MIPOL1: variants seen among roughly 807,000 people sequenced by gnomAD.
MIPOL1 encodes the protein mirror-image polydactyly gene 1 protein.
A neutral mutation model predicts 60.9 loss-of-function variants in MIPOL1; 57 were observed. The observed-to-expected ratio is 0.94, with a 90% CI of 0.76 to 1.17. The LOEUF is 1.17. MIPOL1 is among the 50% of genes most tolerant of loss of function. MIPOL1 has a pLI of 0.00. For missense variants in MIPOL1, 551 were observed against 511.6 expected (o/e 1.08, Z -0.74); for synonymous variants, 179 against 168.8 (o/e 1.06, Z -0.47).
intron 9 of MIPOL1, among the ~76,000 whole-genome samples, chr14:37,313,240 A>G (rs189051773): frequency 6.6e-6 from 1 of 152,300 alleles, no homozygotes; most frequent in East Asian, 1.9e-4. Context: ...ACACATCAAT[A>G]AGCAACAGAA....
chr14:37,390,310 C>T (rs1483404179), intron 10 of MIPOL1, among the ~76,000 whole-genome samples: 1 of 152,074 alleles, frequency 6.6e-6, no homozygotes, highest in African/African-American at 2.4e-5. Flanking sequence ...CCCACTTTAT[C>T]TACCTGGCAG....
At chr14:37,335,517 CT>C (rs1322617893) in intron 9 of MIPOL1, among the ~76,000 whole-genome samples, 1 of 152,018 alleles carries the variant, frequency 6.6e-6, no homozygotes, top group Non-Finnish European at 1.5e-5. Flanking sequence ...AGTGTTTGTC[CT>C]TTTGTGACTG....
chr14:37,371,750 A>G (rs2092645702), intron 10 of MIPOL1, among the ~76,000 whole-genome samples: 1 of 152,164 alleles, frequency 6.6e-6, no homozygotes, highest in Non-Finnish European at 1.5e-5. Flanking sequence ...GGTCAATTAT[A>G]AAACATTTGC....
chr14:37,462,389 C>T (rs768154769), intron 11 of MIPOL1, among the ~76,000 whole-genome samples: 3 of 152,182 alleles, frequency 2.0e-5, no homozygotes, highest in South Asian at 2.1e-4. Flanking sequence ...GCCTGTGGGC[C>T]TGTGATGGGA....
chr14:37,333,751 G>GA (rs2089909234), intron 9 of MIPOL1, among the ~76,000 whole-genome samples: 1 of 152,004 alleles, frequency 6.6e-6, no homozygotes, highest in African/African-American at 2.4e-5. Flanking sequence ...AGAACTAAGG[G>GA]AAGAAATACA....
At position 37,300,854 on chromosome 14, in the gene MIPOL1, T is replaced by G. The variant is rs2153428319; in HGVS notation, c.624-7202T>G. ...TTTTCTGTTTGGCATGGCAGAATGC[T>G]CCAGGGTCACCTTATGTAAGGATGT... On this transcript the variant is annotated intron_variant, in intron 7 of 12. Transcript: ENST00000684589. Among the ~76,000 whole-genome samples, 6 of 15,732 alleles carry G rather than the reference T, an allele frequency of 3.8e-4. 3 individuals are homozygous for G. Among genetic ancestry groups the G allele is most frequent in the African/African-American group, 4.8e-4 (6 of 12,476 alleles). The allele number at this position is 15,732 out of a possible 152,430, so 10.3% of individuals were successfully genotyped here. A position where few individuals can be genotyped will look rare whatever the true frequency, so the allele number is the denominator to read the frequency against.
intron 11 of MIPOL1, among the ~76,000 whole-genome samples, chr14:37,492,148 A>G (rs1043039086): frequency 6.6e-6 from 1 of 152,214 alleles, no homozygotes; most frequent in African/African-American, 2.4e-5. Context: ...AGCTTCAGCT[A>G]TCTTCTTGAA....
At chr14:37,519,527 T>C (rs1190225930) in intron 12 of MIPOL1, among the ~76,000 whole-genome samples, 1 of 152,106 alleles carries the variant, frequency 6.6e-6, no homozygotes, top group African/African-American at 2.4e-5. Flanking sequence ...ATTTTAAAAC[T>C]ATTTTTATTA....
At chr14:37,475,203 G>C (rs934486605) in intron 11 of MIPOL1, among the ~76,000 whole-genome samples, 1 of 151,930 alleles carries the variant, frequency 6.6e-6, no homozygotes, top group Non-Finnish European at 1.5e-5. Context: ...GACCTCAAGT[G>C]GTCCACCCGC....
intron 10 of MIPOL1, chr14:37,401,739 AT>A (rs2093485891): frequency 6.6e-6 from 1 of 152,152 alleles, no homozygotes; most frequent in Non-Finnish European, 1.5e-5. Flanking sequence ...TAAAACAGAT[AT>A]CCAAAGAGGA....
At chr14:37,220,423 A>G (rs1968552566) in intron 1 of MIPOL1, among the ~76,000 whole-genome samples, 1 of 152,298 alleles carries the variant, frequency 6.6e-6, no homozygotes, top group South Asian at 2.1e-4. Context: ...TACTTTTATT[A>G]TCTTTTAAGT....
chr14:37,211,731 C>T (rs888498753), intron 1 of MIPOL1, among the ~76,000 whole-genome samples: 1 of 152,114 alleles, frequency 6.6e-6, no homozygotes, highest in Non-Finnish European at 1.5e-5. Flanking sequence ...CATACTGAGA[C>T]ACCAGCTGGG....
chr14:37,420,384 A>G (rs1284685048), intron 10 of MIPOL1, among the ~76,000 whole-genome samples: 1 of 152,190 alleles, frequency 6.6e-6, no homozygotes, highest in Non-Finnish European at 1.5e-5. Flanking sequence ...AAATGAATGC[A>G]TGCAGTTTTT....
chr14:37,382,513 A>G (rs2092951708), intron 10 of MIPOL1, among the ~76,000 whole-genome samples: 1 of 152,058 alleles, frequency 6.6e-6, no homozygotes, highest in Admixed American at 6.6e-5. Flanking sequence ...TAGTTTTCAT[A>G]CCAAACTAAT....
intron 11 of MIPOL1, among the ~76,000 whole-genome samples, chr14:37,433,985 A>G (rs990183263): frequency 2.0e-5 from 3 of 152,220 alleles, no homozygotes; most frequent in East Asian, 1.9e-4. Flanking sequence ...TAGTGCCGCA[A>G]TAAACATACG....
intron 10 of MIPOL1, among the ~76,000 whole-genome samples, chr14:37,398,614 A>G (rs983873431): frequency 2.0e-5 from 3 of 152,214 alleles, no homozygotes; most frequent in Admixed American, 6.5e-5. Context: ...GAATAAAGAA[A>G]AAACATTAAA....
chr14:37,291,399 T>C (rs2085042139), intron 7 of MIPOL1, among the ~76,000 whole-genome samples: 7 of 152,128 alleles, frequency 4.6e-5, no homozygotes, highest in Admixed American at 3.9e-4. Flanking sequence ...GTAATACCAA[T>C]TGTCATTGTT....
intron 11 of MIPOL1, among the ~76,000 whole-genome samples, chr14:37,486,290 T>A (rs2094944948): frequency 6.6e-6 from 1 of 152,204 alleles, no homozygotes. Flanking sequence ...GCTTTGTTCT[T>A]TTTGCTTAGG....
intron 9 of MIPOL1, among the ~76,000 whole-genome samples, chr14:37,330,706 C>T (rs2089597462): frequency 2.0e-5 from 1 of 49,304 alleles, no homozygotes; most frequent in African/African-American, 7.2e-5. Flanking sequence ...TTTGTGTCCT[C>T]TTCATTTTTT....
Sources: allele counts gnomAD v4.1 joint callset (sites outside exome capture counted in the v4.1 genomes callset), GRCh38; gene constraint gnomAD v4.1.1; transcripts MANE v1.5; gene names NCBI Gene and HGNC (gene_info 2026-07-23, HGNC 2026-07-21).